PCDHGA2: variants seen among roughly 807,000 people sequenced by gnomAD.
The protein encoded by PCDHGA2 is protocadherin gamma subfamily A, 2, also known as protocadherin gamma-A2.
Under a neutral mutation model 59.2 loss-of-function variants are expected in PCDHGA2, and 40 were observed. The observed-to-expected ratio is 0.68, with a 90% CI of 0.52 to 0.88. The LOEUF (loss-of-function observed/expected upper bound fraction) is 0.88. Ranked by LOEUF, PCDHGA2 falls within the 40% of genes least tolerant of loss-of-function variation. The pLI is 0.00. For missense variants in PCDHGA2, 1,226 were observed against 1,204.0 expected (o/e 1.02, Z -0.27); for synonymous variants, 560 against 526.0 (o/e 1.06, Z -0.89).
intron 1 of PCDHGA2, among the ~76,000 whole-genome samples, chr5:141,353,364 A>G (rs1759258008): frequency 6.6e-6 from 1 of 152,202 alleles, no homozygotes; most frequent in African/African-American, 2.4e-5. Flanking sequence ...TATGTAATTG[A>G]TGTAATTATG....
In PCDHGA2 at chr5:141,486,435, A is replaced by G. The variant is rs2099629501; in HGVS notation, c.2425-8372A>G. The G allele has an allele frequency of 6.2e-7, 1 of 1,614,118 alleles. No homozygotes were observed. Among genetic ancestry groups the G allele is most frequent in the Non-Finnish European group, 8.5e-7 (1 of 1,179,960 alleles). ...TTGGATCGAGAGGCCAAATCTAGCT[A>G]TGACATCATGGTCACTGCTTCTGAT... is the stretch of plus-strand genomic sequence containing the variant. On this transcript the variant is annotated intron_variant, in intron 1 of 3. Coordinates refer to ENST00000394576, the MANE Select transcript of PCDHGA2 (RefSeq NM_018915.4). This position sits in a 1 kb window ranked among gnomAD's most constrained non-coding sequence, Gnocchi z 5.0.
intron 1 of PCDHGA2, chr5:141,384,634 C>T: frequency 6.2e-7 from 1 of 1,614,208 alleles, no homozygotes; most frequent in Non-Finnish European, 8.5e-7. Flanking sequence ...GGAGCTGGCA[C>T]CCCGCTCCGC....
intron 1 of PCDHGA2, among the ~76,000 whole-genome samples, chr5:141,481,647 A>G (rs749515062): frequency 1.6e-4 from 25 of 151,712 alleles, no homozygotes; most frequent in Non-Finnish European, 2.8e-4. Flanking sequence ...GTGAAACTTC[A>G]TCTCTACTAA....
intron 1 of PCDHGA2, among the ~76,000 whole-genome samples, chr5:141,438,296 A>G (rs902991313): frequency 6.6e-6 from 1 of 152,034 alleles, no homozygotes; most frequent in Non-Finnish European, 1.5e-5. Context: ...CTGTATGTAA[A>G]AGAAGTTGGT....
rs1246750536 is a variant in PCDHGA2 at position 141,386,428 on chromosome 5, C to T, written c.2424+45033C>T. On this transcript the variant is annotated intron_variant, in intron 1 of 3. Coordinates refer to ENST00000394576, the MANE Select transcript of PCDHGA2 (RefSeq NM_018915.4). ...TATGGTGTTGCAAGCTGTAGCCCAC[C>T]TGCATGGGAGGCTGAGGCAAGAGGA... Among the ~76,000 whole-genome samples the T allele has an allele frequency of 3.3e-5, 5 of 152,036 alleles. No individual in the cohort carries two copies. In the South Asian group the frequency reaches 6.2e-4, roughly 19 times the overall value.
chr5:141,490,488 C>A lies in PCDHGA2; in HGVS notation c.2425-4319C>A, dbSNP rs142637733. 6.2e-7 allele frequency: 1 copy of A among 1,614,018 alleles called. No homozygotes were observed. Among genetic ancestry groups the A allele is most frequent in the African/African-American group, 1.3e-5 (1 of 74,904 alleles). ...CCAGCCAGCCTTTGGACCGGGAGGC[C>A]ACATCCCACTATATCATCGAGCTGC... On this transcript the variant is annotated intron_variant, in intron 1 of 3. Coordinates refer to ENST00000394576, the MANE Select transcript of PCDHGA2 (RefSeq NM_018915.4). The surrounding 1 kb of genome is among the most constrained non-coding windows in gnomAD (Gnocchi z 5.4).
At chr5:141,412,509 A>G (rs1452202369) in intron 1 of PCDHGA2, 2 of 152,208 alleles carry the variant, frequency 1.3e-5, no homozygotes, top group Admixed American at 1.3e-4. Flanking sequence ...AATAAGTTTA[A>G]TGAATTAAGT....
At chr5:141,378,089 T>C (rs1272599640) in intron 1 of PCDHGA2, 1 of 152,254 alleles carries the variant, frequency 6.6e-6, no homozygotes, top group East Asian at 1.9e-4. Flanking sequence ...TATAACTTTT[T>C]TTCAAACTCT....
At position 141,475,845 on chromosome 5, in the gene PCDHGA2, G is replaced by A. The variant is rs2099375736; in HGVS notation, c.2425-18962G>A. On this transcript the variant is annotated intron_variant, in intron 1 of 3. Coordinates refer to ENST00000394576, the MANE Select transcript of PCDHGA2 (RefSeq NM_018915.4). ...CGCTAGCGCGTGTCCTGCTCAGAGA[G>A]CCCGGCGCTAGCTCATTCTTCGTGC... The A allele has an allele frequency of 2.0e-5, 9 of 447,884 alleles. 1 individual carries two copies. In the South Asian group the frequency reaches 2.8e-4, roughly 14 times the overall value. 27.7% of individuals were successfully genotyped at this position (447,884 alleles called of 1,614,324 possible).
At chr5:141,488,872 T>C (rs773185475) in intron 1 of PCDHGA2, among the ~76,000 whole-genome samples, 4 of 151,794 alleles carry the variant, frequency 2.6e-5, no homozygotes, top group Non-Finnish European at 5.9e-5. Flanking sequence ...AGTGGGGAGG[T>C]AGGAAGCTTC....
rs1311776295 is a variant in PCDHGA2, at chr5:141,487,582, C to G, written c.2425-7225C>G. 1.2e-6 allele frequency: 2 copies of G among 1,614,088 alleles called. No homozygotes were observed. The highest frequency in any genetic ancestry group is 2.7e-5 in the African/African-American group (2 of 74,934). ...TGGCAGGGGAGCCTGTTCGCCCAAG[C>G]TGCCCACCCTCTGATCTTCTCTATG... is the stretch of plus-strand genomic sequence containing the variant. On this transcript the variant is annotated intron_variant, in intron 1 of 3. Transcript: ENST00000394576. The surrounding 1 kb of genome is among the most constrained non-coding windows in gnomAD (Gnocchi z 5.0).
chr5:141,364,733 G>A (rs536236780), intron 1 of PCDHGA2: 54 of 1,613,954 alleles, frequency 3.3e-5, no homozygotes, highest in East Asian at 2.2e-4. Context: ...GCGTTTCCGG[G>A]ATGAAGAGTT....
chr5:141,387,947 G>C (rs1240846942), intron 1 of PCDHGA2: 25 of 1,484,496 alleles, frequency 1.7e-5, no homozygotes, highest in Non-Finnish European at 2.2e-5. Context: ...TTCTCTTCCT[G>C]CTGTCTTTGT....
chr5:141,366,357 G>A, intron 1 of PCDHGA2: 1 of 1,614,020 alleles, frequency 6.2e-7, no homozygotes, highest in Non-Finnish European at 8.5e-7. Flanking sequence ...GCTGACCTAG[G>A]CAGTATCAAG....
intron 1 of PCDHGA2, chr5:141,367,909 A>C (rs1765390409): frequency 1.3e-5 from 2 of 150,836 alleles, no homozygotes; most frequent in Admixed American, 6.6e-5. Flanking sequence ...TTGTATTTGA[A>C]AAAAAAAGAA....
intron 1 of PCDHGA2, chr5:141,376,306 G>A (rs1772539310): frequency 6.2e-7 from 1 of 1,614,202 alleles, no homozygotes; most frequent in East Asian, 2.2e-5. Flanking sequence ...CGCACTTTGT[G>A]GGCGTGGAAG....
Position 141,486,683 on chromosome 5 carries a change from G to T in PCDHGA2, c.2425-8124G>T. The T allele has an allele frequency of 6.2e-7, 1 of 1,614,092 alleles. No homozygotes were observed. Among genetic ancestry groups the T allele is most frequent in the Non-Finnish European group, 8.5e-7 (1 of 1,180,026 alleles). ...GGAGCCCAGGAATCGAGATGTATCA[G>T]CTTCCTCTTTCATCTCTCTGAACCC... On this transcript the variant is annotated intron_variant, in intron 1 of 3. Transcript: ENST00000394576. This position sits in a 1 kb window ranked among gnomAD's most constrained non-coding sequence, Gnocchi z 5.0.
intron 1 of PCDHGA2, 170 bp downstream of exon 1, chr5:141,341,565 A>C: frequency 7.8e-7 from 1 of 1,288,850 alleles, no homozygotes; most frequent in Non-Finnish European, 1.0e-6. Flanking sequence ...ACAGGCTGTA[A>C]GAGGAAGAAG....
chr5:141,381,826 C>CTTTTTTTTTTTTTTTTTTT (rs770630741), intron 1 of PCDHGA2, among the ~76,000 whole-genome samples: 6 of 74,282 alleles, frequency 8.1e-5, no homozygotes, highest in Non-Finnish European at 9.4e-5. Context: ...CTTTCTTCTT[C>CTTTTTTTTTTTTTTTTTTT]TTTTTTTTTT....
Sources: allele counts gnomAD v4.1 joint callset (sites outside exome capture counted in the v4.1 genomes callset), GRCh38; gene constraint gnomAD v4.1.1; non-coding constraint Gnocchi (gnomAD v3.1); transcripts MANE v1.5; gene names NCBI Gene and HGNC (gene_info 2026-07-23, HGNC 2026-07-21).